SPATA31D4: variants seen among roughly 807,000 people sequenced by gnomAD.
SPATA31D4 encodes spermatogenesis-associated protein 31D4.
For synonymous variants in SPATA31D4, 23 were observed against 102.8 expected (o/e 0.22, Z 4.70); for missense variants, 73 against 279.1 (o/e 0.26, Z 5.26).
At position 81,934,563 on chromosome 9, in the gene SPATA31D4, T is replaced by C. The variant is rs1335801239; in HGVS notation, c.*1648T>C. ...GCTCAGCACAACCCAGAAGTGCAGG[T>C]CAGAGCAGAGCCCTTCCAGGGCTAT... On this transcript the variant is annotated 3_prime_UTR_variant, in exon 4 of 4. Transcript: ENST00000419782. 2.6e-5 allele frequency: 22 copies of C among 853,514 alleles called. 6 individuals carry two copies. The highest frequency in any genetic ancestry group is 3.4e-5 in the Non-Finnish European group (19 of 559,336). 52.9% of individuals were successfully genotyped at this position (853,514 alleles called of 1,614,324 possible).
rs1181481659 is a variant in SPATA31D4 at position 81,934,593 on chromosome 9, G to A, written c.*1678G>A. ...GCAGAGCCCTTCCAGGGCTATCCCC[G>A]CAACTACACAGCTCCCTCCCGCAAA... On this transcript the variant is annotated 3_prime_UTR_variant, in exon 4 of 4. Transcript: ENST00000419782. 2.0e-5 allele frequency: 18 copies of A among 899,800 alleles called. 3 individuals carry two copies. The highest frequency in any genetic ancestry group is 6.1e-5 in the Admixed American group (3 of 49,322). 55.7% of individuals were successfully genotyped at this position (899,800 alleles called of 1,614,324 possible). A position where few individuals can be genotyped will look rare whatever the true frequency, so the allele number is the denominator to read the frequency against.
In SPATA31D4 at chr9:81,934,071, A is replaced by C; in HGVS notation, c.*1156A>C. On this transcript the variant is annotated 3_prime_UTR_variant, in exon 4 of 4. Coordinates refer to ENST00000419782, the MANE Select transcript of SPATA31D4 (RefSeq NM_001145197.1). Reference sequence around the variant, plus strand: ...GTCTTACAGAAATGCCAAGTTAAGAATTTTTCACCAGCTACAAAGAGAGTG... The same window carrying C: ...GTCTTACAGAAATGCCAAGTTAAGACTTTTTCACCAGCTACAAAGAGAGTG... 2.7e-6 allele frequency: 1 copy of C among 377,050 alleles called. No individual in the cohort carries two copies. Among genetic ancestry groups the C allele is most frequent in the Non-Finnish European group, 4.9e-6 (1 of 204,708 alleles). 23.4% of individuals were successfully genotyped at this position (377,050 alleles called of 1,614,324 possible).
rs754269725 is a variant in SPATA31D4, at chr9:81,932,808, G to A, written c.2647G>A (p.Val883Ile). ...LAALVSEDHG[V>I]DTSQEMSFLS... ...AGCATTGGTGAGTGAGGACCACGGC[G>A]TTGATACCTCCCAGGAGATGTCCTT... is the stretch of plus-strand genomic sequence containing the variant. Residue 883 changes from valine to isoleucine, a missense_variant, in exon 4 of 4, where the codon GTT becomes ATT. By Grantham distance (29) the Val-to-Ile change is conservative. Transcript: ENST00000419782. 10 of 1,533,540 alleles carry A rather than the reference G, an allele frequency of 6.5e-6. 2 individuals are homozygous for A. The highest frequency in any genetic ancestry group is 3.5e-4 in the Middle Eastern group (2 of 5,686). The allele number at this position is 1,533,540 out of a possible 1,614,324, so 95.0% of individuals were successfully genotyped here. A position where few individuals can be genotyped will look rare whatever the true frequency, so the allele number is the denominator to read the frequency against.
rs1277802076 is a variant in SPATA31D4 at position 81,932,831 on chromosome 9, C to G, written c.2670C>G (p.Ser890=). The change falls in exon 4 of 4, where the codon TCC becomes TCG. Residue 890 remains serine, a synonymous_variant. Coordinates refer to ENST00000419782, the MANE Select transcript of SPATA31D4 (RefSeq NM_001145197.1). ...GCGTTGATACCTCCCAGGAGATGTCCTTCCTTAGTTCCAACAAACAAAAGA... is the reference window on the plus strand; with the variant it reads ...GCGTTGATACCTCCCAGGAGATGTCGTTCCTTAGTTCCAACAAACAAAAGA... ...DHGVDTSQEM[S]FLSSNKQKML... is the part of the protein sequence containing the mutation. The G allele has an allele frequency of 2.6e-6, 4 of 1,529,710 alleles. No homozygotes were observed. The South Asian group carries it at 4.6e-5, about 17-fold the overall frequency. 94.8% of individuals were successfully genotyped at this position (1,529,710 alleles called of 1,614,324 possible).
In SPATA31D4 at chr9:81,933,069, A is replaced by C. The variant is rs1329861424; in HGVS notation, c.*154A>C. The stretch of plus-strand genomic sequence containing the variant: ...TCCAAAGATGGGGTCTCTAAGTCTC[A>C]TAGACGAAGCACTTTTCAAGGAGAA... On this transcript the variant is annotated 3_prime_UTR_variant, in exon 4 of 4. Transcript: ENST00000419782. 4.7e-6 allele frequency: 7 copies of C among 1,503,150 alleles called. No individual in the cohort carries two copies. In the African/African-American group the frequency reaches 6.8e-5, roughly 15 times the overall value. The allele number at this position is 1,503,150 out of a possible 1,614,324, so 93.1% of individuals were successfully genotyped here. A position where few individuals can be genotyped will look rare whatever the true frequency, so the allele number is the denominator to read the frequency against.
rs746019337 is a variant in SPATA31D4, at chr9:81,932,773, G to A, written c.2612G>A (p.Arg871Gln). Residue 871 changes from arginine (R) to glutamine (Q), a missense_variant, in exon 4 of 4, where the codon CGA (arginine) becomes CAA (glutamine). Physicochemically the swap from Arg to Gln is conservative, Grantham distance 43. Coordinates refer to ENST00000419782, the MANE Select transcript of SPATA31D4 (RefSeq NM_001145197.1). ...AAATCCCACAGCCAAATTAAACATC[G>A]AAATTTGGCAGCATTGGTGAGTGAG... ...PEKSHSQIKH[R>Q]NLAALVSEDH... 12 of 1,532,414 alleles carry A rather than the reference G, an allele frequency of 7.8e-6. No homozygotes were observed. The highest frequency in any genetic ancestry group is 2.3e-5 in the South Asian group (2 of 88,402). The allele number at this position is 1,532,414 out of a possible 1,614,324, so 94.9% of individuals were successfully genotyped here. A position where few individuals can be genotyped will look rare whatever the true frequency, so the allele number is the denominator to read the frequency against.
At position 81,933,096 on chromosome 9, in the gene SPATA31D4, A is replaced by C. The variant is rs1459971060; in HGVS notation, c.*181A>C. The C allele has an allele frequency of 7.2e-7, 1 of 1,389,366 alleles. No individual in the cohort carries two copies. The highest frequency in any genetic ancestry group is 1.0e-6 in the Non-Finnish European group (1 of 987,750). The allele number at this position is 1,389,366 out of a possible 1,614,324, so 86.1% of individuals were successfully genotyped here. On this transcript the variant is annotated 3_prime_UTR_variant, in exon 4 of 4. Transcript: ENST00000419782. ...AGACGAAGCACTTTTCAAGGAGAAA[A>C]GTTGGGAACAACAAGCTCAGTCCCT...
rs1414781998 is a variant in SPATA31D4, at chr9:81,933,125, C to A, written c.*210C>A. 9.6e-6 allele frequency: 9 copies of A among 935,960 alleles called. 1 individual carries two copies. The highest frequency in any genetic ancestry group is 1.5e-5 in the Non-Finnish European group (9 of 600,990). 58.0% of individuals were successfully genotyped at this position (935,960 alleles called of 1,614,324 possible). On this transcript the variant is annotated 3_prime_UTR_variant, in exon 4 of 4. Transcript: ENST00000419782. ...GGGAACAACAAGCTCAGTCCCTGTCCTTAATCATCCTCAGCCTGTCTCCTC... is the reference window on the plus strand; with the variant it reads ...GGGAACAACAAGCTCAGTCCCTGTCATTAATCATCCTCAGCCTGTCTCCTC...
chr9:81,933,072 G>C lies in SPATA31D4; in HGVS notation c.*157G>C. 1 of 1,500,432 alleles carries C rather than the reference G, an allele frequency of 6.7e-7. No homozygotes were observed. Among genetic ancestry groups the C allele is most frequent in the Non-Finnish European group, 9.2e-7 (1 of 1,085,356 alleles). The allele number at this position is 1,500,432 out of a possible 1,614,324, so 92.9% of individuals were successfully genotyped here. A position where few individuals can be genotyped will look rare whatever the true frequency, so the allele number is the denominator to read the frequency against. On this transcript the variant is annotated 3_prime_UTR_variant, in exon 4 of 4. Coordinates refer to ENST00000419782, the MANE Select transcript of SPATA31D4 (RefSeq NM_001145197.1). ...AAAGATGGGGTCTCTAAGTCTCATA[G>C]ACGAAGCACTTTTCAAGGAGAAAAG...
chr9:81,932,815 C>T lies in SPATA31D4; in HGVS notation c.2654C>T (p.Thr885Ile), dbSNP rs757693594. 1.3e-6 allele frequency: 2 copies of T among 1,533,202 alleles called. No individual in the cohort carries two copies. The highest frequency in any genetic ancestry group is 2.9e-5 in the African/African-American group (2 of 69,904). The allele number at this position is 1,533,202 out of a possible 1,614,324, so 95.0% of individuals were successfully genotyped here. Residue 885 changes from threonine (T) to isoleucine (I), a missense_variant, in exon 4 of 4, where the codon ACC becomes ATC. Physicochemically the swap from Thr to Ile is moderately conservative, Grantham distance 89. Transcript: ENST00000419782. ...GTGAGTGAGGACCACGGCGTTGATA[C>T]CTCCCAGGAGATGTCCTTCCTTAGT... ...ALVSEDHGVD[T>I]SQEMSFLSSN...
At position 81,932,586 on chromosome 9, in the gene SPATA31D4, C is replaced by T. The variant is rs1395897400; in HGVS notation, c.2425C>T (p.Leu809=). 4.6e-6 allele frequency: 7 copies of T among 1,506,392 alleles called. 1 individual carries two copies. The highest frequency in any genetic ancestry group is 6.4e-6 in the Non-Finnish European group (7 of 1,098,736). 93.3% of individuals were successfully genotyped at this position (1,506,392 alleles called of 1,614,324 possible). A position where few individuals can be genotyped will look rare whatever the true frequency, so the allele number is the denominator to read the frequency against. ...AGACCTAGGAACTCATATGATGCAT[C>T]TGTCAGGGAATGATTCAGGGGTGAG... ...ERDLGTHMMH[L]SGNDSGVRLG... is the part of the protein sequence containing the mutation. The change falls in exon 4 of 4, where the codon CTG becomes TTG. Residue 809 remains leucine (L), a synonymous_variant. Coordinates refer to ENST00000419782, the MANE Select transcript of SPATA31D4 (RefSeq NM_001145197.1).
Position 81,930,517 on chromosome 9 carries a change from G to A in SPATA31D4, c.356G>A (p.Arg119Gln). The A allele has an allele frequency of 6.7e-5, 1 of 14,898 alleles. No individual in the cohort carries two copies. 0.9% of individuals were successfully genotyped at this position (14,898 alleles called of 1,614,324 possible). ...GQHHDTTLFR[R>Q]LLCPDPVCRV... is the part of the protein sequence containing the mutation. ...CATCATGATACCACCCTCTTTCGTCGACTGTTATGCCCAGACCCTGTCTGT... is the reference window on the plus strand; with the variant it reads ...CATCATGATACCACCCTCTTTCGTCAACTGTTATGCCCAGACCCTGTCTGT... The change falls in exon 4 of 4, where the codon CGA (arginine) becomes CAA (glutamine). Residue 119 changes from arginine (R) to glutamine (Q), a missense_variant. Transcript: ENST00000419782.
At position 81,932,816 on chromosome 9, in the gene SPATA31D4, C is replaced by A. The variant is rs746364192; in HGVS notation, c.2655C>A (p.Thr885=). 1.3e-6 allele frequency: 2 copies of A among 1,533,270 alleles called. No individual in the cohort carries two copies. The highest frequency in any genetic ancestry group is 4.5e-5 in the East Asian group (2 of 44,050). The allele number at this position is 1,533,270 out of a possible 1,614,324, so 95.0% of individuals were successfully genotyped here. The change falls in exon 4 of 4, where the codon ACC becomes ACA. Residue 885 remains threonine (T), a synonymous_variant. Transcript: ENST00000419782. ...ALVSEDHGVD[T]SQEMSFLSSN... is the part of the protein sequence containing the mutation. ...TGAGTGAGGACCACGGCGTTGATAC[C>A]TCCCAGGAGATGTCCTTCCTTAGTT...
chr9:81,933,204 A>T lies in SPATA31D4; in HGVS notation c.*289A>T. 1.7e-6 allele frequency: 1 copy of T among 584,054 alleles called. No homozygotes were observed. Among genetic ancestry groups the T allele is most frequent in the South Asian group, 2.1e-5 (1 of 48,278 alleles). The allele number at this position is 584,054 out of a possible 1,614,324, so 36.2% of individuals were successfully genotyped here. On this transcript the variant is annotated 3_prime_UTR_variant, in exon 4 of 4. Transcript: ENST00000419782. ...CTGAGAAGACAATTTTCTGATACTG[A>T]CCATGACCTTATAGAGACAGATGCC... is the stretch of plus-strand genomic sequence containing the variant.
rs1462201628 is a variant in SPATA31D4 at position 81,933,432 on chromosome 9, GCAGA to G, written c.*523_*526del. Reference sequence around the variant, plus strand: ...GAAAGTGTCTGGACAACTGAGGATGGCAGACAGACTTTTCTGCCCCCCACACACA... The same window carrying G: ...GAAAGTGTCTGGACAACTGAGGATGGCAGACTTTTCTGCCCCCCACACACA... On this transcript the variant is annotated 3_prime_UTR_variant, in exon 4 of 4. Coordinates refer to ENST00000419782, the MANE Select transcript of SPATA31D4 (RefSeq NM_001145197.1). 2.0e-5 allele frequency: 2 copies of G among 100,296 alleles called. No individual in the cohort carries two copies. The highest frequency in any genetic ancestry group is 2.1e-4 in the African/African-American group (2 of 9,450). The allele number at this position is 100,296 out of a possible 1,614,324, so 6.2% of individuals were successfully genotyped here.
In SPATA31D4 at chr9:81,934,483, G is replaced by A; in HGVS notation, c.*1568G>A. ...AAGAAAAGCTGGGGCATAGCCATGG[G>A]ATAGATATCACCTGTCCCTAAGAAC... On this transcript the variant is annotated 3_prime_UTR_variant, in exon 4 of 4. Transcript: ENST00000419782. 1 of 458,166 alleles carries A rather than the reference G, an allele frequency of 2.2e-6. No homozygotes were observed. Among genetic ancestry groups the A allele is most frequent in the East Asian group, 3.2e-5 (1 of 31,368 alleles). The allele number at this position is 458,166 out of a possible 1,614,324, so 28.4% of individuals were successfully genotyped here. A position where few individuals can be genotyped will look rare whatever the true frequency, so the allele number is the denominator to read the frequency against.
At chr9:81,930,198 CTTCTTTT>C in intron 3 of SPATA31D4, 38 bp downstream of exon 3, 1 of 428,552 alleles carries the variant, frequency 2.3e-6, no homozygotes, top group Non-Finnish European at 3.0e-6. Flanking sequence ...TTCCCACCGC[CTTCTTTT>C]TTTTTTTTTT....
Position 81,934,561 on chromosome 9 carries a change from G to C in SPATA31D4, c.*1646G>C. ...AAGCTCAGCACAACCCAGAAGTGCA[G>C]GTCAGAGCAGAGCCCTTCCAGGGCT... is the stretch of plus-strand genomic sequence containing the variant. On this transcript the variant is annotated 3_prime_UTR_variant, in exon 4 of 4. Coordinates refer to ENST00000419782, the MANE Select transcript of SPATA31D4 (RefSeq NM_001145197.1). 1.2e-6 allele frequency: 1 copy of C among 834,752 alleles called. No homozygotes were observed. Among genetic ancestry groups the C allele is most frequent in the Non-Finnish European group, 1.8e-6 (1 of 542,516 alleles). 51.7% of individuals were successfully genotyped at this position (834,752 alleles called of 1,614,324 possible).
rs747265990 is a variant in SPATA31D4 at position 81,932,781 on chromosome 9, G to T, written c.2620G>T (p.Ala874Ser). ...CAGCCAAATTAAACATCGAAATTTG[G>T]CAGCATTGGTGAGTGAGGACCACGG... is the stretch of plus-strand genomic sequence containing the variant. ...SHSQIKHRNL[A>S]ALVSEDHGVD... The change falls in exon 4 of 4, where the codon GCA becomes TCA. Residue 874 changes from alanine to serine, a missense_variant. Transcript: ENST00000419782. 1.1e-5 allele frequency: 17 copies of T among 1,533,034 alleles called. 1 individual carries two copies. In the South Asian group the frequency reaches 1.8e-4, roughly 16 times the overall value. 95.0% of individuals were successfully genotyped at this position (1,533,034 alleles called of 1,614,324 possible).
Sources: gnomAD v4.1 joint callset for allele counts on GRCh38, gnomAD v4.1.1 for gene constraint, MANE v1.5 for transcripts, NCBI Gene and HGNC (gene_info 2026-07-23, HGNC 2026-07-21) for gene names.